The following TAF4 variants were observed in gnomAD, a reference collection of about 807,000 sequenced individuals.
TAF4 encodes transcription initiation factor TFIID subunit 4.
A neutral mutation model predicts 90.3 loss-of-function variants in TAF4; 9 were observed. The ratio of observed to expected loss-of-function variants is 0.10; its 90% CI spans 0.06 to 0.17. The LOEUF (loss-of-function observed/expected upper bound fraction) is 0.17. TAF4 is among the 10% of genes least tolerant of loss of function. TAF4 has a pLI of 1.00. For missense variants in TAF4, 1,351 were observed against 1,370.7 expected, an observed-to-expected ratio of 0.99 and a Z score of 0.23; for synonymous variants, 818 against 638.9, an observed-to-expected ratio of 1.28 and a Z score of -4.23.
intron 14 of TAF4, among the ~76,000 whole-genome samples, chr20:61,991,126 G>A (rs925650077): frequency 6.6e-6 from 1 of 152,086 alleles, no homozygotes; most frequent in Non-Finnish European, 1.5e-5. Context: ...TTTTAAAAAA[G>A]AGAAAAATTA....
chr20:62,062,379 G>A (rs1037365546), intron 1 of TAF4, among the ~76,000 whole-genome samples: 3 of 151,972 alleles, frequency 2.0e-5, no homozygotes, highest in East Asian at 3.8e-4. Flanking sequence ...TCTGGTTTGG[G>A]ATACTGGTAG....
rs138160587 is a variant in TAF4 at position 61,976,330 on chromosome 20, C to T, written c.3096G>A (p.Ser1032=). ...TGCCTGGGACCACTGAGCCGGGGCC[C>T]GACCCCTGGTGATGAAAAAGGAGAA... ...CPGPGSGAEG[S]GPGSVVPGSS... The change falls in exon 15 of 15, where the codon TCG becomes TCA. Residue 1032 remains serine (S), a synonymous_variant. Coordinates refer to ENST00000252996, the MANE Select transcript of TAF4 (RefSeq NM_003185.4). 5.0e-6 allele frequency: 8 copies of T among 1,613,114 alleles called. No homozygotes were observed. Among genetic ancestry groups the T allele is most frequent in the Middle Eastern group, 3.5e-4 (2 of 5,718 alleles).
chr20:62,064,224 G>A (rs2145528820), intron 1 of TAF4: 2 of 433,572 alleles, frequency 4.6e-6, no homozygotes, highest in East Asian at 7.2e-5. Context: ...CAGCGCGGAC[G>A]TCAGGGACAG....
In TAF4 at chr20:62,006,835, T is replaced by C. The variant is rs1284245198; in HGVS notation, c.1975-77A>G. 2.1e-6 allele frequency: 3 copies of C among 1,415,388 alleles called. No homozygotes were observed. Among genetic ancestry groups the C allele is most frequent in the South Asian group, 1.6e-5 (1 of 60,812 alleles). 87.7% of individuals were successfully genotyped at this position (1,415,388 alleles called of 1,614,324 possible). On this transcript the variant is annotated intron_variant, in intron 6 of 14. Transcript: ENST00000252996. This position sits in a 1 kb window ranked among gnomAD's most constrained non-coding sequence, Gnocchi z 7.0. ...TTCCTTGCTTAAAAATTCAGAAATA[T>C]CAACTTTTACAGAAAGCTTTTGAGC... is the stretch of plus-strand genomic sequence containing the variant.
intron 1 of TAF4, among the ~76,000 whole-genome samples, chr20:62,034,020 C>T (rs1360404907): frequency 6.1e-5 from 9 of 148,514 alleles, no homozygotes; most frequent in East Asian, 2.0e-4. Context: ...CCAGCCTGGG[C>T]GACAGAGCAA....
intron 1 of TAF4, among the ~76,000 whole-genome samples, chr20:62,048,685 C>A (rs1020940525): frequency 1.4e-4 from 21 of 151,374 alleles, no homozygotes; most frequent in Non-Finnish European, 2.2e-4. Context: ...GGGCCCTCTC[C>A]TGGCGTGCCC....
At chr20:62,037,695 C>T (rs531805628) in intron 1 of TAF4, 23 of 201,804 alleles carry the variant, frequency 1.1e-4, no homozygotes, top group Non-Finnish European at 1.9e-4. Context: ...AAAAATTCAG[C>T]GCTCTTTTCG....
chr20:62,039,990 A>C (rs181060685), intron 1 of TAF4, among the ~76,000 whole-genome samples: 1 of 152,238 alleles, frequency 6.6e-6, no homozygotes, highest in Non-Finnish European at 1.5e-5. Flanking sequence ...AAGACTGACC[A>C]TACCAGCTTT....
chr20:62,016,452 G>T (rs1328661946), intron 1 of TAF4, among the ~76,000 whole-genome samples: 1 of 152,206 alleles, frequency 6.6e-6, no homozygotes, highest in African/African-American at 2.4e-5. Context: ...GACTGGACTG[G>T]CTGAGTCCTC....
intron 3 of TAF4, among the ~76,000 whole-genome samples, chr20:62,011,673 C>T (rs939456976): frequency 1.3e-5 from 2 of 152,196 alleles, no homozygotes; most frequent in Non-Finnish European, 2.9e-5. Context: ...GCGGGGGGAG[C>T]TGCCCCTGGA....
At position 62,000,581 on chromosome 20, in the gene TAF4, G is replaced by A. The variant is rs368410184; in HGVS notation, c.2627C>T (p.Ala876Val). 1.9e-5 allele frequency: 30 copies of A among 1,614,034 alleles called. No homozygotes were observed. The highest frequency in any genetic ancestry group is 2.2e-5 in the East Asian group (1 of 44,904). ...SCKDETFLLQ[A>V]PLQRRILEIG... ...TTCTAATATTCTTCTCTGCAAAGGC[G>A]CTTGGAGGAGGAAGGTTTCATCTTT... The change falls in exon 10 of 15, where the codon GCG (alanine) becomes GTG (valine). Residue 876 changes from alanine (A) to valine (V), a missense_variant. Physicochemically the swap from Ala to Val is moderately conservative, Grantham distance 64 (BLOSUM62 0). This residue lies in a region of TAF4 where 95 missense variants were observed against 151.3 expected (regional missense o/e 0.63). Transcript: ENST00000252996.
chr20:62,056,476 C>T (rs2145519940), intron 1 of TAF4, among the ~76,000 whole-genome samples: 1 of 152,248 alleles, frequency 6.6e-6, no homozygotes, highest in Non-Finnish European at 1.5e-5. Flanking sequence ...GCTCAACCCA[C>T]CAGACACACA....
At position 61,976,112 on chromosome 20, in the gene TAF4, G is replaced by T; in HGVS notation, c.*56C>A. ...TTTTTAAACAATATCCCATTTGCTC[G>T]TTACAAAAAGGCGTAATCTGCAAAT... is the stretch of plus-strand genomic sequence containing the variant. On this transcript the variant is annotated 3_prime_UTR_variant, in exon 15 of 15. Coordinates refer to ENST00000252996, the MANE Select transcript of TAF4 (RefSeq NM_003185.4). The T allele has an allele frequency of 1.3e-6, 2 of 1,583,734 alleles. No homozygotes were observed. The highest frequency in any genetic ancestry group is 1.7e-6 in the Non-Finnish European group (2 of 1,154,506).
At chr20:62,014,782 G>A in intron 1 of TAF4, 75 bp from the exon 2 acceptor site, 5 of 1,553,426 alleles carry the variant, frequency 3.2e-6, no homozygotes, top group Non-Finnish European at 4.3e-6. Flanking sequence ...CTGACCCAGG[G>A]GAAGCTGACA....
chr20:62,064,514 C>T lies in TAF4; in HGVS notation c.1297G>A (p.Ala433Thr), dbSNP rs1361630439. The T allele has an allele frequency of 6.5e-7, 1 of 1,528,170 alleles. No homozygotes were observed. The highest frequency in any genetic ancestry group is 2.1e-5 in the Admixed American group (1 of 48,728). The allele number at this position is 1,528,170 out of a possible 1,614,324, so 94.7% of individuals were successfully genotyped here. ...IRATLTPTVL[A>T]PRLPQPPQNP... The stretch of plus-strand genomic sequence containing the variant: ...TGAGGCGGCTGCGGCAAGCGGGGGG[C>T]CAGCACGGTGGGCGTCAGGGTGGCC... The change falls in exon 1 of 15, where the codon GCC becomes ACC. Residue 433 changes from alanine to threonine, a missense_variant. Physicochemically the swap from Ala to Thr is moderately conservative, Grantham distance 58. Transcript: ENST00000252996.
In TAF4 at chr20:62,065,143, G is replaced by C. The variant is rs2056119660; in HGVS notation, c.668C>G (p.Ala223Gly). The C allele has an allele frequency of 1.7e-6, 2 of 1,192,250 alleles. No homozygotes were observed. Among genetic ancestry groups the C allele is most frequent in the Non-Finnish European group, 2.1e-6 (2 of 938,618 alleles). 73.9% of individuals were successfully genotyped at this position (1,192,250 alleles called of 1,614,324 possible). A position where few individuals can be genotyped will look rare whatever the true frequency, so the allele number is the denominator to read the frequency against. ...GGGCTTGGGCAGCGGCAGCAGCGCG[G>C]CGGGCCCGTTGTTGACCAGGCTGAC... ...PAVSLVNNGP[A>G]ALLPLPKPAA... is the part of the protein sequence containing the mutation. The change falls in exon 1 of 15, where the codon GCC (alanine) becomes GGC (glycine). Residue 223 changes from alanine to glycine, a missense_variant. Around this residue, in one of 9 missense-constraint regions of TAF4, gnomAD observed 782 missense variants for 536.6 expected, o/e 1.46. Coordinates refer to ENST00000252996, the MANE Select transcript of TAF4 (RefSeq NM_003185.4).
Position 61,978,501 on chromosome 20 carries a change from CACCAACCAAGGGAGGGCGCGAG to C in TAF4, c.3091-2188_3091-2167del, listed in dbSNP as rs1244483698. On this transcript the variant is annotated intron_variant, in intron 14 of 14. Transcript: ENST00000252996. The stretch of plus-strand genomic sequence containing the variant: ...CGACACCAACCAAGGGAGGGCGCGA[CACCAACCAAGGGAGGGCGCGAG>C]ACCAACCAAGGCCGGGGGCGAGACC... Among the ~76,000 whole-genome samples the C allele has an allele frequency of 8.1e-4, 87 of 106,884 alleles. 1 individual carries two copies. The highest frequency in any genetic ancestry group is 3.0e-3 in the African/African-American group (77 of 25,634). The allele number at this position is 106,884 out of a possible 152,430, so 70.1% of individuals were successfully genotyped here.
chr20:62,034,356 T>C (rs1433103366), intron 1 of TAF4, among the ~76,000 whole-genome samples: 1 of 152,180 alleles, frequency 6.6e-6, no homozygotes, highest in Non-Finnish European at 1.5e-5. Context: ...AAGGGTCTCA[T>C]TCTGTCACCC....
rs746710951 is a variant in TAF4 at position 62,012,916 on chromosome 20, T to C, written c.1540A>G (p.Ile514Val). The part of the protein sequence containing the change: ...STVQAPGTPI[I>V]ARQVTPTTII... The stretch of plus-strand genomic sequence containing the variant: ...GTAGTTGGGGTCACCTGCCGTGCAA[T>C]GATAGGTGTTCCAGGTGCCTGAAAA... The change falls in exon 3 of 15, where the codon ATT becomes GTT. Residue 514 changes from isoleucine (I) to valine (V), a missense_variant. This residue lies in a region of TAF4 where 143 missense variants were observed against 176.3 expected (regional missense o/e 0.81). Transcript: ENST00000252996. The C allele has an allele frequency of 3.1e-6, 5 of 1,613,644 alleles. No individual in the cohort carries two copies. Among genetic ancestry groups the C allele is most frequent in the Non-Finnish European group, 4.2e-6 (5 of 1,179,940 alleles).
Sources: gnomAD v4.1 joint callset for allele counts (sites outside exome capture counted in the v4.1 genomes callset) on GRCh38, gnomAD v4.1.1 for gene constraint, gnomAD v4.1.1 regional missense constraint, Gnocchi (gnomAD v3.1) non-coding constraint, MANE v1.5 for transcripts, NCBI Gene and HGNC (gene_info 2026-07-23, HGNC 2026-07-21) for gene names.